The following IFT43 variants were observed in gnomAD, a reference collection of about 807,000 sequenced individuals.
IFT43 encodes the protein intraflagellar transport protein 43 homolog.
A neutral mutation model predicts 32.3 loss-of-function variants in IFT43; 33 were observed. The observed-to-expected ratio is 1.02, with a 90% CI of 0.77 to 1.37. The LOEUF (loss-of-function observed/expected upper bound fraction) is 1.37, where lower values mean the gene tolerates loss of function less well. Among genes scored for constraint, IFT43 ranks in the 40% most tolerant of loss-of-function variants. The pLI is 0.00. For missense variants in IFT43, 274 were observed against 265.9 expected (o/e 1.03, Z -0.21); for synonymous variants, 93 against 98.2 (o/e 0.95, Z 0.31).
chr14:75,993,530 A>G (rs74066689), intron 2 of IFT43, among the ~76,000 whole-genome samples: 2,798 of 152,302 alleles, frequency 0.018, 83 homozygotes, highest in African/African-American at 0.064. Context: ...CTTTTAGGAT[A>G]GATTAATTTT....
At position 76,003,498 on chromosome 14, in the gene IFT43, C is replaced by A. The variant is rs751784411; in HGVS notation, c.147+14521C>A. 2.0e-5 allele frequency among the ~76,000 whole-genome samples: 3 copies of A among 151,816 alleles called. 1 individual carries two copies. The highest frequency in any genetic ancestry group is 4.4e-5 in the Non-Finnish European group (3 of 67,972). On this transcript the variant is annotated intron_variant, in intron 2 of 8. Coordinates refer to ENST00000314067, the MANE Select transcript of IFT43 (RefSeq NM_001102564.3). ...AAAATTAGCTGGGCGTGGTGACACA[C>A]GCCTGTAATCCCAGCTACTTGGGAG...
At chr14:75,992,067 G>A (rs1350982814) in intron 2 of IFT43, among the ~76,000 whole-genome samples, 1 of 152,186 alleles carries the variant, frequency 6.6e-6, no homozygotes, top group Non-Finnish European at 1.5e-5. Context: ...TGGTACCTGG[G>A]AGCTGTCAGA....
intron 2 of IFT43, among the ~76,000 whole-genome samples, chr14:76,021,199 G>A (rs986246210): frequency 1.3e-5 from 2 of 152,054 alleles, no homozygotes; most frequent in African/African-American, 4.8e-5. Flanking sequence ...GCTAGTGGTG[G>A]TGGGGGTTGG....
chr14:76,080,619 T>C (rs1295297401), intron 5 of IFT43, among the ~76,000 whole-genome samples: 1 of 152,064 alleles, frequency 6.6e-6, no homozygotes, highest in Non-Finnish European at 1.5e-5. Context: ...CCAGGCACAC[T>C]CCAAAACTGT....
chr14:76,010,098 G>C (rs2036055222), intron 2 of IFT43, among the ~76,000 whole-genome samples: 1 of 152,124 alleles, frequency 6.6e-6, no homozygotes. Flanking sequence ...CCGGCCTCTA[G>C]TGTTCTTCTA....
In IFT43 at chr14:76,082,592, G is replaced by A. The variant is rs148125024; in HGVS notation, c.369-25G>A. Reference sequence around the variant, plus strand: ...GGAACAGGTCCTGCCTGGGGTTCCCGCCTCTCGCTCTCTCTTTCCTTCAGC... The same window carrying A: ...GGAACAGGTCCTGCCTGGGGTTCCCACCTCTCGCTCTCTCTTTCCTTCAGC... On this transcript the variant is annotated intron_variant, in intron 6 of 8. Transcript: ENST00000314067. 1.5e-3 allele frequency: 2,400 copies of A among 1,614,066 alleles called. 8 individuals carry two copies. Among genetic ancestry groups the A allele is most frequent in the Middle Eastern group, 3.8e-3 (23 of 6,050 alleles).
chr14:75,990,683 T>C (rs932623562), intron 2 of IFT43, among the ~76,000 whole-genome samples: 1 of 152,038 alleles, frequency 6.6e-6, no homozygotes, highest in African/African-American at 2.4e-5. Context: ...GGAGAGGTGA[T>C]ATAAAGTAGG....
chr14:75,986,336 AC>A, intron 1 of IFT43: 1 of 1,181,592 alleles, frequency 8.5e-7, no homozygotes, highest in Non-Finnish European at 1.1e-6. Context: ...GTGGGAGTTA[AC>A]CTCAGTTACC....
chr14:76,001,279 A>G (rs1471723923), intron 2 of IFT43, among the ~76,000 whole-genome samples: 2 of 152,214 alleles, frequency 1.3e-5, no homozygotes, highest in Admixed American at 6.5e-5. Context: ...ATAAAAGCAA[A>G]TACTTATAAT....
chr14:76,083,314 G>T, intron 8 of IFT43, 25 bp downstream of exon 8: 4 of 1,610,454 alleles, frequency 2.5e-6, no homozygotes, highest in Non-Finnish European at 3.4e-6. Context: ...GCAATTCCCC[G>T]GTCTCTCAGC....
At chr14:75,992,542 T>G (rs1594800355) in intron 2 of IFT43, among the ~76,000 whole-genome samples, 1 of 151,976 alleles carries the variant, frequency 6.6e-6, no homozygotes, top group Admixed American at 6.6e-5. Context: ...GAGCAGAGGG[T>G]TTTTTTGTTT....
chr14:76,072,119 T>C (rs1189389181), intron 5 of IFT43, among the ~76,000 whole-genome samples: 1 of 152,182 alleles, frequency 6.6e-6, no homozygotes, highest in African/African-American at 2.4e-5. Context: ...TCTTTATAGC[T>C]CTTGTGACAT....
At chr14:76,082,238 A>G (rs1455669403) in intron 5 of IFT43, 57 bp from the exon 6 acceptor site, 1 of 1,497,690 alleles carries the variant, frequency 6.7e-7, no homozygotes, top group African/African-American at 1.4e-5. Context: ...GAAGTGGAGA[A>G]GCAGGCACAA....
intron 2 of IFT43, among the ~76,000 whole-genome samples, chr14:76,007,007 G>A (rs1024049171): frequency 1.3e-5 from 2 of 151,870 alleles, no homozygotes; most frequent in Non-Finnish European, 2.9e-5. Flanking sequence ...AAAGACATAT[G>A]CCACCATGCC....
intron 2 of IFT43, among the ~76,000 whole-genome samples, chr14:76,021,426 C>G (rs980696147): frequency 7.2e-5 from 11 of 152,048 alleles, no homozygotes; most frequent in Admixed American, 6.5e-5. Context: ...AATGGAGTCC[C>G]CTGTCAGTCA....
At chr14:76,028,511 G>T (rs1220832487) in intron 3 of IFT43, among the ~76,000 whole-genome samples, 2 of 152,232 alleles carry the variant, frequency 1.3e-5, no homozygotes, top group Non-Finnish European at 2.9e-5. Context: ...GCGCAGGTTT[G>T]TTACAGGGGT....
intron 5 of IFT43, among the ~76,000 whole-genome samples, chr14:76,060,805 C>G (rs1202654722): frequency 7.2e-6 from 1 of 139,174 alleles, no homozygotes; most frequent in African/African-American, 2.7e-5. Flanking sequence ...TTCTTTCTTC[C>G]CTCCCTTCCT....
At chr14:76,083,842 G>T (rs931437097), downstream of IFT43, 17 of 606,834 alleles carry the variant, frequency 2.8e-5, no homozygotes, top group Admixed American at 1.7e-4. Flanking sequence ...TCGCGGCCTT[G>T]TTGCGGAGCA....
chr14:76,055,516 G>A (rs796224622), intron 3 of IFT43, among the ~76,000 whole-genome samples: 6 of 152,106 alleles, frequency 3.9e-5, no homozygotes, highest in Admixed American at 1.3e-4. Context: ...ATTTTAAAAG[G>A]AAAGGAAAGC....
Sources: allele counts gnomAD v4.1 joint callset (sites outside exome capture counted in the v4.1 genomes callset), GRCh38; gene constraint gnomAD v4.1.1; transcripts MANE v1.5; gene names NCBI Gene and HGNC (gene_info 2026-07-23, HGNC 2026-07-21).